PTPN13: variants seen among roughly 807,000 people sequenced by gnomAD.
PTPN13 encodes the protein protein tyrosine phosphatase non-receptor type 13.
In PTPN13, 191 loss-of-function variants were observed where a neutral mutation model predicts 284.0. That is an observed-to-expected ratio of 0.67 (90% CI 0.60 to 0.76). The LOEUF is 0.76. PTPN13 is among the 30% of genes least tolerant of loss of function. PTPN13 has a pLI of 0.00. For missense variants in PTPN13, 2,797 were observed against 2,939.9 expected, an observed-to-expected ratio of 0.95 and a Z score of 1.12; for synonymous variants, 986 against 1,022.3, an observed-to-expected ratio of 0.96 and a Z score of 0.68.
At chr4:86,738,874 T>A (rs1735834069) in intron 15 of PTPN13, among the ~76,000 whole-genome samples, 1 of 152,118 alleles carries the variant, frequency 6.6e-6, no homozygotes, top group South Asian at 2.1e-4. Flanking sequence ...AGGGACAGGA[T>A]TTTGTCATGA....
At chr4:86,765,779 A>G (rs1468959236) in intron 26 of PTPN13, among the ~76,000 whole-genome samples, 2 of 152,016 alleles carry the variant, frequency 1.3e-5, no homozygotes, top group Non-Finnish European at 2.9e-5. Flanking sequence ...TACATGTACT[A>G]TGAAGCAAAT....
chr4:86,662,710 T>C lies in PTPN13; in HGVS notation c.116-9655T>C, dbSNP rs549536467. 7.9e-5 allele frequency among the ~76,000 whole-genome samples: 12 copies of C among 152,252 alleles called. No individual in the cohort carries two copies. In the South Asian group the frequency reaches 2.5e-3, roughly 32 times the overall value. On this transcript the variant is annotated intron_variant, in intron 2 of 47. Transcript: ENST00000411767. ...GCTAAAATATTACACATACATAGAGTAGTTTTGCTCTCAAAGTTTGGATAC... is the reference window on the plus strand; with the variant it reads ...GCTAAAATATTACACATACATAGAGCAGTTTTGCTCTCAAAGTTTGGATAC...
rs1168485801 is a variant in PTPN13, at chr4:86,782,204, C to T, written c.5966C>T (p.Ser1989Phe). 1 of 1,602,632 alleles carries T rather than the reference C, an allele frequency of 6.2e-7. No individual in the cohort carries two copies. Among genetic ancestry groups the T allele is most frequent in the Non-Finnish European group, 8.5e-7 (1 of 1,169,708 alleles). Reference sequence around the variant, plus strand: ...ACTTCCTATATTGTCCTTTCAGGTTCCTACAGTGTGGGGTCTTGCAGCCAG... The same window carrying T: ...ACTTCCTATATTGTCCTTTCAGGTTTCTACAGTGTGGGGTCTTGCAGCCAG... ...SAPKSTKGNG[S>F]YSVGSCSQPA... Residue 1989 changes from serine to phenylalanine, a missense_variant, in exon 37 of 48, where the codon TCC (serine) becomes TTC (phenylalanine). Physicochemically the swap from Ser to Phe is radical, Grantham distance 155. Transcript: ENST00000411767.
intron 20 of PTPN13, among the ~76,000 whole-genome samples, chr4:86,756,098 G>A (rs1242317154): frequency 1.3e-5 from 2 of 151,750 alleles, no homozygotes; most frequent in African/African-American, 4.8e-5. Flanking sequence ...TTCCTGAACG[G>A]TGGGTTATTA....
Position 86,730,651 on chromosome 4 carries a change from CTG to C in PTPN13, c.1609-1746_1609-1745del, listed in dbSNP as rs978196247. On this transcript the variant is annotated intron_variant, in intron 10 of 47. Coordinates refer to ENST00000411767, the MANE Select transcript of PTPN13 (RefSeq NM_080683.3). ...AAATCTGGTCTGCCACTTGCTAAGA[CTG>C]TGAGAAAAGTGCAGTATTTGGGCGG... 8.7e-5 allele frequency among the ~76,000 whole-genome samples: 13 copies of C among 149,794 alleles called. 1 individual carries two copies. The highest frequency in any genetic ancestry group is 3.2e-4 in the African/African-American group (13 of 41,062).
chr4:86,700,514 A>G (rs1483581342), intron 6 of PTPN13, among the ~76,000 whole-genome samples: 1 of 152,196 alleles, frequency 6.6e-6, no homozygotes, highest in Non-Finnish European at 1.5e-5. Flanking sequence ...AACTATATCA[A>G]GGACTAAAGA....
intron 23 of PTPN13, among the ~76,000 whole-genome samples, chr4:86,760,995 GT>G (rs1370185925): frequency 6.6e-6 from 1 of 151,388 alleles, no homozygotes; most frequent in Non-Finnish European, 1.5e-5. Context: ...ATACATACTA[GT>G]TTATTAAAAA....
At chr4:86,610,930 GTAAATAA>G (rs1565139400) in intron 1 of PTPN13, among the ~76,000 whole-genome samples, 1 of 152,170 alleles carries the variant, frequency 6.6e-6, no homozygotes, top group African/African-American at 2.4e-5. Context: ...TATTAATGAA[GTAAATAA>G]TTGGATTTTT....
intron 10 of PTPN13, among the ~76,000 whole-genome samples, chr4:86,730,402 T>C (rs1734797656): frequency 6.7e-6 from 1 of 149,914 alleles, no homozygotes; most frequent in African/African-American, 2.4e-5. Context: ...AGCTATGCCC[T>C]GGCCACAGAG....
intron 10 of PTPN13, among the ~76,000 whole-genome samples, chr4:86,727,178 G>T (rs1313159769): frequency 1.3e-5 from 2 of 149,472 alleles, no homozygotes; most frequent in Non-Finnish European, 1.5e-5. Flanking sequence ...TGATCCTGGT[G>T]GATAAGCTTT....
In PTPN13 at chr4:86,813,603, C is replaced by T. The variant is rs918039059; in HGVS notation, c.7363-853C>T. Among the ~76,000 whole-genome samples the T allele has an allele frequency of 3.3e-5, 5 of 152,048 alleles. No individual in the cohort carries two copies. In the East Asian group the frequency reaches 9.7e-4, roughly 29 times the overall value. ...GGGATTACAGGTGCCTGCCACCTCA[C>T]TTTAGTAGAGATGGGATTTCACCAT... On this transcript the variant is annotated intron_variant, in intron 47 of 47. Coordinates refer to ENST00000411767, the MANE Select transcript of PTPN13 (RefSeq NM_080683.3).
At chr4:86,598,947 T>G (rs1764060465) in intron 1 of PTPN13, among the ~76,000 whole-genome samples, 1 of 152,234 alleles carries the variant, frequency 6.6e-6, no homozygotes, top group East Asian at 1.9e-4. Flanking sequence ...TTTGTAGAGA[T>G]AATGGTCTTC....
At position 86,711,098 on chromosome 4, in the gene PTPN13, C is replaced by CTTTT. The variant is rs58186398; in HGVS notation, c.1196-5416_1196-5413dup. 6.2e-5 allele frequency among the ~76,000 whole-genome samples: 6 copies of CTTTT among 97,106 alleles called. No homozygotes were observed. The East Asian group carries it at 9.3e-4, about 15-fold the overall frequency. The allele number at this position is 97,106 out of a possible 152,430, so 63.7% of individuals were successfully genotyped here. A position where few individuals can be genotyped will look rare whatever the true frequency, so the allele number is the denominator to read the frequency against. ...GCCACCACACCTGGTTAATTATTGC[C>CTTTT]TTTTTTTTTTTTTTTTTTTGGAGAG... On this transcript the variant is annotated intron_variant, in intron 7 of 47. Transcript: ENST00000411767.
intron 1 of PTPN13, among the ~76,000 whole-genome samples, chr4:86,606,612 C>A (rs1764766484): frequency 6.6e-6 from 1 of 151,846 alleles, no homozygotes; most frequent in South Asian, 2.1e-4. Flanking sequence ...TGAATCGCAT[C>A]TTTCCATCTG....
At chr4:86,691,962 C>T (rs544014284) in intron 5 of PTPN13, among the ~76,000 whole-genome samples, 4 of 152,270 alleles carry the variant, frequency 2.6e-5, no homozygotes, top group African/African-American at 9.6e-5. Context: ...CACAATTTTA[C>T]TTATCTGCAA....
intron 3 of PTPN13, among the ~76,000 whole-genome samples, chr4:86,680,401 C>G (rs1728771765): frequency 7.5e-6 from 1 of 132,820 alleles, no homozygotes; most frequent in Admixed American, 7.6e-5. Context: ...ATCTATCTAT[C>G]TCTATCTCTA....
chr4:86,746,625 GT>G (rs200887432), intron 17 of PTPN13, among the ~76,000 whole-genome samples: 2 of 151,116 alleles, frequency 1.3e-5, no homozygotes, highest in East Asian at 1.9e-4. Flanking sequence ...CCTCAGTAAT[GT>G]TTTTTTTTGT....
chr4:86,602,130 C>T (rs957909467), intron 1 of PTPN13, among the ~76,000 whole-genome samples: 4 of 152,074 alleles, frequency 2.6e-5, no homozygotes, highest in Non-Finnish European at 5.9e-5. Flanking sequence ...AATATATATA[C>T]AGGTGATTTG....
chr4:86,635,407 T>C, intron 2 of PTPN13, 36 bp downstream of exon 2: 1 of 1,558,246 alleles, frequency 6.4e-7, no homozygotes, highest in African/African-American at 1.4e-5. Flanking sequence ...GTTGTTGTTG[T>C]TTCAGTATTG....
Sources: gnomAD v4.1 joint callset for allele counts (sites outside exome capture counted in the v4.1 genomes callset) on GRCh38, gnomAD v4.1.1 for gene constraint, MANE v1.5 for transcripts, NCBI Gene and HGNC (gene_info 2026-07-23, HGNC 2026-07-21) for gene names.